MTDH: variants seen among roughly 807,000 people sequenced by gnomAD.
MTDH encodes metadherin.
A neutral mutation model predicts 72.7 loss-of-function variants in MTDH; 34 were observed. That is an observed-to-expected ratio of 0.47 (90% confidence interval 0.36 to 0.62). The LOEUF is 0.62. Ranked by LOEUF, MTDH falls within the 20% of genes least tolerant of loss-of-function variation. The pLI is 0.00. For synonymous variants in MTDH, 266 were observed against 268.9 expected (o/e 0.99, Z 0.10); for missense variants, 677 against 699.4 (o/e 0.97, Z 0.36).
chr8:97,698,906 G>A (rs918950250), intron 6 of MTDH, among the ~76,000 whole-genome samples: 13 of 152,186 alleles, frequency 8.5e-5, no homozygotes, highest in African/African-American at 2.7e-4. Context: ...ACTTTGGGAG[G>A]CAGAGGAGGA....
At chr8:97,718,157 C>G (rs1346959072) in intron 9 of MTDH, among the ~76,000 whole-genome samples, 3 of 151,862 alleles carry the variant, frequency 2.0e-5, no homozygotes, top group Non-Finnish European at 4.4e-5. Flanking sequence ...ATTGTCATGC[C>G]TCAGCCTCCC....
At chr8:97,697,578 T>C (rs2468011) in intron 6 of MTDH, among the ~76,000 whole-genome samples, 71,437 of 151,400 alleles carry the variant, frequency 0.47, 19,654 homozygotes, top group African/African-American at 0.75. Context: ...GTAGAGACAG[T>C]GTTTTACCGT....
At chr8:97,698,114 G>A (rs139157250) in intron 6 of MTDH, among the ~76,000 whole-genome samples, 20 of 152,320 alleles carry the variant, frequency 1.3e-4, no homozygotes, top group African/African-American at 4.8e-4. Context: ...CTGTAACCAA[G>A]AAGAAATTTA....
chr8:97,700,272 ATT>A (rs1244269806), intron 7 of MTDH, among the ~76,000 whole-genome samples: 1 of 152,162 alleles, frequency 6.6e-6, no homozygotes, highest in African/African-American at 2.4e-5. Context: ...AAAGGAAGAC[ATT>A]TTAGAAGGGA....
chr8:97,669,451 C>T (rs1380284604), intron 2 of MTDH, among the ~76,000 whole-genome samples: 1 of 151,906 alleles, frequency 6.6e-6, no homozygotes, highest in African/African-American at 2.4e-5. Flanking sequence ...CCTGGCACCA[C>T]AATATATAAT....
At chr8:97,657,090 C>G (rs1433587646) in intron 1 of MTDH, among the ~76,000 whole-genome samples, 1 of 152,144 alleles carries the variant, frequency 6.6e-6, no homozygotes, top group East Asian at 1.9e-4. Flanking sequence ...TATAGATATC[C>G]TCATTCTGGT....
At chr8:97,660,763 T>C (rs1812141973) in intron 1 of MTDH, among the ~76,000 whole-genome samples, 1 of 152,122 alleles carries the variant, frequency 6.6e-6, no homozygotes, top group Non-Finnish European at 1.5e-5. Flanking sequence ...TAATTGGTGG[T>C]CAAATTGCAA....
chr8:97,674,232 C>T (rs1366578778), intron 2 of MTDH, among the ~76,000 whole-genome samples: 1 of 152,218 alleles, frequency 6.6e-6, no homozygotes, highest in African/African-American at 2.4e-5. Flanking sequence ...CACTTCCCTG[C>T]ACCTGCAATT....
At chr8:97,685,266 G>C (rs975483597) in intron 2 of MTDH, among the ~76,000 whole-genome samples, 19 of 151,878 alleles carry the variant, frequency 1.3e-4, no homozygotes, top group African/African-American at 4.4e-4. Flanking sequence ...ATAAAACAGT[G>C]TATTAAACAT....
At chr8:97,684,151 A>C (rs1346969464) in intron 2 of MTDH, among the ~76,000 whole-genome samples, 2 of 152,140 alleles carry the variant, frequency 1.3e-5, no homozygotes, top group African/African-American at 4.8e-5. Context: ...AAAAAAAAAA[A>C]AAAACGACTA....
chr8:97,673,055 T>G (rs1431366238), intron 2 of MTDH, among the ~76,000 whole-genome samples: 1 of 152,190 alleles, frequency 6.6e-6, no homozygotes, highest in African/African-American at 2.4e-5. Context: ...TTTAGGCTCT[T>G]TCATTGGTTA....
chr8:97,715,421 G>A lies in MTDH; in HGVS notation c.1380+1652G>A, dbSNP rs187584143. ...TGGGATTACAGGTGTGAGCCACCAC[G>A]CCCAGCCACTTACTGTTTTTGAAAG... On this transcript the variant is annotated intron_variant, in intron 9 of 11. Coordinates refer to ENST00000336273, the MANE Select transcript of MTDH (RefSeq NM_178812.4). 2.3e-3 allele frequency among the ~76,000 whole-genome samples: 351 copies of A among 152,272 alleles called. 1 individual carries two copies. Among genetic ancestry groups the A allele is most frequent in the African/African-American group, 7.7e-3 (322 of 41,554 alleles).
At chr8:97,712,160 C>T (rs1171325591) in intron 8 of MTDH, among the ~76,000 whole-genome samples, 1 of 152,180 alleles carries the variant, frequency 6.6e-6, no homozygotes, top group Non-Finnish European at 1.5e-5. Context: ...ATCTCAGCCT[C>T]CTGAGTAGCT....
At chr8:97,693,562 A>G (rs1476927960) in intron 6 of MTDH, among the ~76,000 whole-genome samples, 1 of 152,074 alleles carries the variant, frequency 6.6e-6, no homozygotes, top group Admixed American at 6.6e-5. Flanking sequence ...TCCTGACCTC[A>G]TGATTCACCT....
At chr8:97,698,165 A>T (rs932786427) in intron 6 of MTDH, among the ~76,000 whole-genome samples, 5 of 152,230 alleles carry the variant, frequency 3.3e-5, no homozygotes, top group African/African-American at 1.2e-4. Context: ...ACGTGATTGT[A>T]TGTAACACTT....
At chr8:97,712,826 T>G (rs1276343651) in intron 8 of MTDH, among the ~76,000 whole-genome samples, 1 of 152,222 alleles carries the variant, frequency 6.6e-6, no homozygotes, top group African/African-American at 2.4e-5. Context: ...TGCATGTTCT[T>G]GGGTGAAATG....
intron 2 of MTDH, among the ~76,000 whole-genome samples, chr8:97,667,295 T>A (rs1339981940): frequency 1.3e-5 from 2 of 152,198 alleles, no homozygotes; most frequent in Non-Finnish European, 2.9e-5. Context: ...TGCCATCTAC[T>A]CACAGTTAAA....
intron 10 of MTDH, among the ~76,000 whole-genome samples, chr8:97,722,324 G>A (rs763578573): frequency 1.3e-5 from 2 of 152,154 alleles, no homozygotes; most frequent in Non-Finnish European, 1.5e-5. Context: ...AAGTTAGGCC[G>A]GGCGTGGTTG....
rs369320450 is a variant in MTDH, at chr8:97,730,000, G to A, written c.*5330G>A. Among the ~76,000 whole-genome samples the A allele has an allele frequency of 6.6e-6, 1 of 152,148 alleles. No homozygotes were observed. Among genetic ancestry groups the A allele is most frequent in the African/African-American group, 2.4e-5 (1 of 41,432 alleles). On this transcript the variant is annotated 3_prime_UTR_variant, in exon 12 of 12. Transcript: ENST00000336273. ...TCTGGTCTAAGTACTCTAACAGGAC[G>A]ATGATTTCTAACCCTAGCATCATGA...
Sources: allele counts gnomAD v4.1 joint callset (sites outside exome capture counted in the v4.1 genomes callset), GRCh38; gene constraint gnomAD v4.1.1; transcripts MANE v1.5; gene names NCBI Gene and HGNC (gene_info 2026-07-23, HGNC 2026-07-21).